HS3ST5: variants seen among roughly 807,000 people sequenced by gnomAD.
The protein encoded by HS3ST5 is heparan sulfate glucosamine 3-O-sulfotransferase 5.
In HS3ST5, 10 loss-of-function variants were observed where a neutral mutation model predicts 25.4. The observed-to-expected ratio is 0.39, with a 90% CI of 0.24 to 0.67. HS3ST5 has a LOEUF of 0.67. HS3ST5 is among the 30% of genes least tolerant of loss of function. The pLI is 0.44. For missense variants in HS3ST5, 324 were observed against 420.7 expected (o/e 0.77, Z 2.01); for synonymous variants, 170 against 162.4 (o/e 1.05, Z -0.36).
chr6:114,297,702 G>A (rs772903799), intron 1 of HS3ST5, among the ~76,000 whole-genome samples: 15 of 152,128 alleles, frequency 9.9e-5, no homozygotes, highest in Non-Finnish European at 1.6e-4. Context: ...CTTGGTTAAC[G>A]CTTTCCTTCA....
chr6:114,341,252 A>AGAGAGAGAGG (rs1562281441), intron 1 of HS3ST5, among the ~76,000 whole-genome samples: 1 of 149,300 alleles, frequency 6.7e-6, no homozygotes, highest in Non-Finnish European at 1.5e-5. Flanking sequence ...AGAGAGAGAG[A>AGAGAGAGAGG]GAGAGAGAGT....
rs75587873 is a variant in HS3ST5 at position 114,267,408 on chromosome 6, T to C, written c.-338-38630A>G. ...CTAAAAATAAGAGGTGCTTAGCACC[T>C]ACCACTTCCCACCATTATGCAGGAT... On this transcript the variant is annotated intron_variant, in intron 1 of 4. Transcript: ENST00000312719. Among the ~76,000 whole-genome samples the C allele has an allele frequency of 1.8e-3, 267 of 152,284 alleles. 3 individuals carry two copies. In the East Asian group the frequency reaches 0.019, roughly 11 times the overall value.
chr6:114,261,661 A>T (rs934065240), intron 1 of HS3ST5, among the ~76,000 whole-genome samples: 1 of 152,210 alleles, frequency 6.6e-6, no homozygotes, highest in Non-Finnish European at 1.5e-5. Context: ...CCCCAAATCC[A>T]TTTACAGTAT....
intron 1 of HS3ST5, among the ~76,000 whole-genome samples, chr6:114,229,617 A>G (rs1272466973): frequency 1.3e-5 from 2 of 152,182 alleles, no homozygotes; most frequent in Non-Finnish European, 2.9e-5. Context: ...TCACTTTCTG[A>G]TTCTTCCTTA....
At chr6:114,255,710 G>T (rs1348071797) in intron 1 of HS3ST5, among the ~76,000 whole-genome samples, 1 of 151,832 alleles carries the variant, frequency 6.6e-6, no homozygotes, top group Non-Finnish European at 1.5e-5. Context: ...TGTGGAAGCT[G>T]CCAAGGCTTG....
chr6:114,143,339 A>G (rs958653758), intron 3 of HS3ST5, among the ~76,000 whole-genome samples: 1 of 152,268 alleles, frequency 6.6e-6, no homozygotes, highest in Non-Finnish European at 1.5e-5. Flanking sequence ...AATAATGATT[A>G]TCATTGTTAA....
intron 3 of HS3ST5, among the ~76,000 whole-genome samples, chr6:114,111,282 A>T (rs564705615): frequency 2.6e-5 from 4 of 152,250 alleles, no homozygotes; most frequent in Non-Finnish European, 4.4e-5. Flanking sequence ...CAGTGCAATG[A>T]GATGGCACAT....
chr6:114,321,607 T>C (rs1308706837), intron 1 of HS3ST5, among the ~76,000 whole-genome samples: 2 of 152,160 alleles, frequency 1.3e-5, no homozygotes, highest in African/African-American at 4.8e-5. Context: ...TTAAAATACA[T>C]GTAGCACAAC....
chr6:114,313,285 G>C (rs1775613661), intron 1 of HS3ST5, among the ~76,000 whole-genome samples: 1 of 152,108 alleles, frequency 6.6e-6, no homozygotes, highest in African/African-American at 2.4e-5. Context: ...AAAACAGTTT[G>C]ATAGCCTTAT....
At chr6:114,075,316 A>T (rs971460334) in intron 3 of HS3ST5, among the ~76,000 whole-genome samples, 1 of 152,246 alleles carries the variant, frequency 6.6e-6, no homozygotes, top group African/African-American at 2.4e-5. Context: ...GCTGCACTTC[A>T]GAATCTCACC....
chr6:114,212,003 A>T (rs1245785607), intron 2 of HS3ST5, among the ~76,000 whole-genome samples: 1 of 152,230 alleles, frequency 6.6e-6, no homozygotes, highest in Non-Finnish European at 1.5e-5. Context: ...ATTTTGTGAG[A>T]ACTGGCAACC....
chr6:114,341,134 C>A (rs1055758185), intron 1 of HS3ST5, among the ~76,000 whole-genome samples: 2 of 131,086 alleles, frequency 1.5e-5, no homozygotes, highest in South Asian at 5.4e-4. Flanking sequence ...TATTCGTATT[C>A]GGAGACAGAG....
At chr6:114,212,518 TA>T (rs1432354121) in intron 2 of HS3ST5, among the ~76,000 whole-genome samples, 4 of 152,132 alleles carry the variant, frequency 2.6e-5, no homozygotes, top group Non-Finnish European at 5.9e-5. Flanking sequence ...TATTCCCTAC[TA>T]AAAAAAGCAT....
intron 2 of HS3ST5, among the ~76,000 whole-genome samples, chr6:114,189,253 T>C (rs73538700): frequency 0.031 from 4,675 of 152,244 alleles, 185 homozygotes; most frequent in African/African-American, 0.089. Context: ...AAGTCTGACA[T>C]GATTTGATAC....
chr6:114,262,618 A>C (rs1773229181), intron 1 of HS3ST5, among the ~76,000 whole-genome samples: 1 of 152,134 alleles, frequency 6.6e-6, no homozygotes, highest in Non-Finnish European at 1.5e-5. Context: ...TCTCACTTTA[A>C]AATGAAATGA....
intron 3 of HS3ST5, among the ~76,000 whole-genome samples, chr6:114,148,231 T>G (rs1267496726): frequency 6.6e-6 from 1 of 152,182 alleles, no homozygotes; most frequent in African/African-American, 2.4e-5. Context: ...GCTAGCCATA[T>G]GCAGAAAAGT....
intron 1 of HS3ST5, among the ~76,000 whole-genome samples, chr6:114,323,140 A>G (rs1470864407): frequency 6.6e-6 from 1 of 152,188 alleles, no homozygotes; most frequent in African/African-American, 2.4e-5. Flanking sequence ...TGTTACCTCA[A>G]CATAATGTAG....
intron 1 of HS3ST5, among the ~76,000 whole-genome samples, chr6:114,310,401 A>AG (rs1775479203): frequency 6.6e-6 from 1 of 152,196 alleles, no homozygotes; most frequent in South Asian, 2.1e-4. Context: ...TAACTTATTA[A>AG]GGACTCCAGA....
At chr6:114,284,181 G>C (rs1257723339) in intron 1 of HS3ST5, among the ~76,000 whole-genome samples, 1 of 151,888 alleles carries the variant, frequency 6.6e-6, no homozygotes, top group Non-Finnish European at 1.5e-5. Context: ...GAACTTAAAA[G>C]CCATTAAAGT....
Sources: allele counts gnomAD v4.1 joint callset (sites outside exome capture counted in the v4.1 genomes callset), GRCh38; gene constraint gnomAD v4.1.1; transcripts MANE v1.5; gene names NCBI Gene and HGNC (gene_info 2026-07-23, HGNC 2026-07-21).